The following PAPPA2 variants were observed in gnomAD, a reference collection of about 807,000 sequenced individuals.
The protein encoded by PAPPA2 is pappalysin-2.
In PAPPA2, 86 loss-of-function variants were observed where a neutral mutation model predicts 176.4. That is an observed-to-expected ratio of 0.49 (90% CI 0.41 to 0.58). PAPPA2 has a LOEUF of 0.58. Ranked by LOEUF, PAPPA2 falls within the 20% of genes least tolerant of loss-of-function variation. PAPPA2 has a pLI of 0.00. For missense variants in PAPPA2, 2,073 were observed against 2,256.9 expected (o/e 0.92, Z 1.65); for synonymous variants, 809 against 852.2 (o/e 0.95, Z 0.88).
rs1272948291 is a variant in PAPPA2, at chr1:176,692,222, C to T, written c.2528C>T (p.Pro843Leu). The part of the protein sequence containing the change: ...VYQQWTESRK[P>L]TPIPIPPMVI... ...CAGCAGTGGACTGAAAGCAGAAAGC[C>T]CACCCCCATCCCCATTCCACCTATG... Residue 843 changes from proline to leucine, a missense_variant, in exon 6 of 23, where the codon CCC becomes CTC. Transcript: ENST00000367662. 2 of 1,613,872 alleles carry T rather than the reference C, an allele frequency of 1.2e-6. No individual in the cohort carries two copies. The highest frequency in any genetic ancestry group is 3.3e-5 in the Admixed American group (2 of 60,002).
intron 3 of PAPPA2, among the ~76,000 whole-genome samples, chr1:176,614,294 A>G (rs1223286315): frequency 1.3e-5 from 2 of 152,208 alleles, no homozygotes; most frequent in Admixed American, 6.5e-5. Flanking sequence ...TGACCCATCT[A>G]TTGCCACATG....
At chr1:176,733,845 C>G (rs1273289664) in intron 12 of PAPPA2, among the ~76,000 whole-genome samples, 1 of 152,044 alleles carries the variant, frequency 6.6e-6, no homozygotes, top group African/African-American at 2.4e-5. Context: ...ATTGAACAGA[C>G]AAAGGAGAAC....
chr1:176,790,102 GGAGTGTTGGTATTATGCAATA>G, intron 18 of PAPPA2, 125 bp downstream of exon 18: 1 of 1,110,546 alleles, frequency 9.0e-7, no homozygotes, highest in Non-Finnish European at 1.3e-6. Context: ...ATTCTAATCG[GGAGTGTTGGTATTATGCAATA>G]GAAAATTCAG....
chr1:176,728,486 A>G (rs370405868), intron 12 of PAPPA2, among the ~76,000 whole-genome samples: 3 of 152,008 alleles, frequency 2.0e-5, no homozygotes, highest in African/African-American at 7.2e-5. Flanking sequence ...AAATATCTCT[A>G]TGAAGAAATG....
intron 17 of PAPPA2, among the ~76,000 whole-genome samples, chr1:176,777,769 C>A: frequency 6.6e-6 from 1 of 151,940 alleles, no homozygotes; most frequent in Non-Finnish European, 1.5e-5. Flanking sequence ...AAGAACTGAG[C>A]AAAATTTTTG....
chr1:176,663,847 T>G (rs182550150), intron 3 of PAPPA2, among the ~76,000 whole-genome samples: 14 of 152,214 alleles, frequency 9.2e-5, no homozygotes, highest in African/African-American at 3.4e-4. Flanking sequence ...CCACTACACT[T>G]TTCTTTTGTG....
chr1:176,627,821 A>G (rs1333713205), intron 3 of PAPPA2, among the ~76,000 whole-genome samples: 1 of 152,180 alleles, frequency 6.6e-6, no homozygotes, highest in Non-Finnish European at 1.5e-5. Flanking sequence ...GTAAGAGTCC[A>G]TGGAGAAAGT....
chr1:176,573,407 G>A lies in PAPPA2; in HGVS notation c.919+16166G>A, dbSNP rs569972199. Among the ~76,000 whole-genome samples the A allele has an allele frequency of 1.9e-4, 29 of 152,204 alleles. No individual in the cohort carries two copies. The East Asian group carries it at 2.1e-3, about 11-fold the overall frequency. ...GATGCCCATTATGGAAACTGCAGCCGGTTAGCCATTGGACATTGATGTGCC... is the reference window on the plus strand; with the variant it reads ...GATGCCCATTATGGAAACTGCAGCCAGTTAGCCATTGGACATTGATGTGCC... On this transcript the variant is annotated intron_variant, in intron 2 of 22. Transcript: ENST00000367662.
intron 2 of PAPPA2, among the ~76,000 whole-genome samples, chr1:176,574,936 A>G (rs1383891108): frequency 6.6e-6 from 1 of 152,230 alleles, no homozygotes; most frequent in African/African-American, 2.4e-5. Flanking sequence ...AATAGGCTGT[A>G]CCATATAGCC....
intron 1 of PAPPA2, among the ~76,000 whole-genome samples, chr1:176,469,402 A>G (rs918426968): frequency 3.3e-5 from 5 of 152,088 alleles, no homozygotes; most frequent in African/African-American, 1.2e-4. Flanking sequence ...ATCCAGGCAC[A>G]CGCTATAACA....
intron 2 of PAPPA2, among the ~76,000 whole-genome samples, chr1:176,578,312 A>G (rs1652767753): frequency 6.6e-6 from 1 of 152,220 alleles, no homozygotes; most frequent in East Asian, 1.9e-4. Flanking sequence ...AAGCTCATCT[A>G]ACGTTATGGG....
intron 3 of PAPPA2, among the ~76,000 whole-genome samples, chr1:176,643,873 G>T (rs1657240738): frequency 6.6e-6 from 1 of 151,918 alleles, no homozygotes; most frequent in South Asian, 2.1e-4. Context: ...CTGTCCTTCT[G>T]GAAGAGTAGA....
chr1:176,795,588 G>T (rs1164492191), intron 20 of PAPPA2, among the ~76,000 whole-genome samples: 1 of 152,112 alleles, frequency 6.6e-6, no homozygotes, highest in African/African-American at 2.4e-5. Flanking sequence ...TTAACATATT[G>T]TGGCAATTGT....
chr1:176,492,095 G>A (rs1217937871), intron 1 of PAPPA2, among the ~76,000 whole-genome samples: 3 of 152,212 alleles, frequency 2.0e-5, no homozygotes, highest in Non-Finnish European at 4.4e-5. Flanking sequence ...ACAGCAAGAT[G>A]TGAGGATTTG....
chr1:176,505,897 CA>C (rs1267780115), intron 1 of PAPPA2, among the ~76,000 whole-genome samples: 3 of 151,844 alleles, frequency 2.0e-5, no homozygotes, highest in African/African-American at 4.8e-5. Context: ...CTTACAAGAC[CA>C]GTAAAAAAAT....
intron 4 of PAPPA2, 114 bp from the exon 5 acceptor site, chr1:176,690,023 A>G: frequency 2.1e-6 from 2 of 972,956 alleles, no homozygotes; most frequent in Non-Finnish European, 3.1e-6. Context: ...GAAGTTATAA[A>G]GTGACTCCTT....
At chr1:176,687,974 C>A (rs1659927627) in intron 4 of PAPPA2, among the ~76,000 whole-genome samples, 1 of 152,120 alleles carries the variant, frequency 6.6e-6, no homozygotes. Flanking sequence ...CTGCATTTTC[C>A]TCAAGCATAT....
At chr1:176,691,385 T>C (rs1017548637) in intron 5 of PAPPA2, among the ~76,000 whole-genome samples, 1 of 152,174 alleles carries the variant, frequency 6.6e-6, no homozygotes, top group Admixed American at 6.5e-5. Flanking sequence ...CTGAGTTTCA[T>C]TGCGGTGAAT....
intron 1 of PAPPA2, among the ~76,000 whole-genome samples, chr1:176,545,668 G>A (rs1558427352): frequency 6.6e-6 from 1 of 152,004 alleles, no homozygotes; most frequent in Non-Finnish European, 1.5e-5. Context: ...CTCAAATTTT[G>A]GTGTCCTCAG....
Sources: gnomAD v4.1 joint callset for allele counts (sites outside exome capture counted in the v4.1 genomes callset) on GRCh38, gnomAD v4.1.1 for gene constraint, MANE v1.5 for transcripts, NCBI Gene and HGNC (gene_info 2026-07-23, HGNC 2026-07-21) for gene names.